CCDC77: variants seen among roughly 807,000 people sequenced by gnomAD.
The protein encoded by CCDC77 is coiled-coil domain containing 77.
In CCDC77, 56 loss-of-function variants were observed where a neutral mutation model predicts 66.8. The observed-to-expected ratio is 0.84, with a 90% CI of 0.68 to 1.05. CCDC77 has a LOEUF of 1.05. CCDC77 is among the 50% of genes least tolerant of loss of function. The probability of loss-of-function intolerance (pLI) is 0.00; values close to 1 mark genes in which losing one functional copy is unlikely to be tolerated. For missense variants in CCDC77, 570 were observed against 576.8 expected, an observed-to-expected ratio of 0.99 and a Z score of 0.12; for synonymous variants, 196 against 195.2, an observed-to-expected ratio of 1.00 and a Z score of -0.03.
At chr12:433,044 G>A in intron 8 of CCDC77, 130 bp from the exon 9 acceptor site, 1 of 1,002,982 alleles carries the variant, frequency 1.0e-6, no homozygotes, top group South Asian at 1.6e-5. Context: ...AAATGAACAA[G>A]AGGATTAGGA....
chr12:414,468 T>C (rs1420276538), intron 4 of CCDC77, among the ~76,000 whole-genome samples: 1 of 152,216 alleles, frequency 6.6e-6, no homozygotes, highest in East Asian at 1.9e-4. Flanking sequence ...TTAACAACTC[T>C]CTTTCCTTAC....
upstream of CCDC77, among the ~76,000 whole-genome samples, chr12:398,369 A>C (rs949307367): frequency 1.3e-5 from 2 of 152,122 alleles, no homozygotes; most frequent in Non-Finnish European, 2.9e-5. Context: ...TTCTTTACTT[A>C]TTCATAAGAA....
At chr12:413,343 T>G (rs1304901968) in intron 4 of CCDC77, among the ~76,000 whole-genome samples, 1 of 150,646 alleles carries the variant, frequency 6.6e-6, no homozygotes, top group Non-Finnish European at 1.5e-5. Context: ...TTCACGCCAT[T>G]CTCCTGCCTC....
intron 2 of CCDC77, among the ~76,000 whole-genome samples, chr12:406,755 T>C (rs2137539080): frequency 6.6e-6 from 1 of 152,302 alleles, no homozygotes; most frequent in East Asian, 1.9e-4. Context: ...AAGACCAGCC[T>C]GGCCAACATG....
At chr12:409,223 AAG>A (rs1302446224) in intron 2 of CCDC77, 143 bp from the exon 3 acceptor site, 59 of 619,656 alleles carry the variant, frequency 9.5e-5, no homozygotes, top group East Asian at 1.2e-4. Context: ...AAAAAAAAAA[AAG>A]AAAAAAAAAA....
intron 4 of CCDC77, among the ~76,000 whole-genome samples, chr12:417,132 C>A (rs201117688): frequency 0.022 from 2,829 of 127,718 alleles, no homozygotes; most frequent in Non-Finnish European, 0.027. Flanking sequence ...GGCTCTGTCT[C>A]AAAAAAAAAA....
At position 416,337 on chromosome 12, in the gene CCDC77, GTGTGGGGGTGTGTGT is replaced by G. The variant is rs1565568928; in HGVS notation, c.271-2156_271-2142del. 8.3e-3 allele frequency among the ~76,000 whole-genome samples: 375 copies of G among 45,060 alleles called. 16 individuals are homozygous for G. The highest frequency in any genetic ancestry group is 0.026 in the African/African-American group (329 of 12,790). The allele number at this position is 45,060 out of a possible 152,430, so 29.6% of individuals were successfully genotyped here. A position where few individuals can be genotyped will look rare whatever the true frequency, so the allele number is the denominator to read the frequency against. The stretch of plus-strand genomic sequence containing the variant: ...TGTGTGTGTGTGTGAGTCTGTGGGT[GTGTGGGGGTGTGTGT>G]GTGTGTGTGTGTGTGTGTGTGTGTG... On this transcript the variant is annotated intron_variant, in intron 4 of 12. Coordinates refer to ENST00000239830, the MANE Select transcript of CCDC77 (RefSeq NM_032358.4).
At chr12:423,470 G>GGTTTTT (rs1945455914) in intron 5 of CCDC77, among the ~76,000 whole-genome samples, 1 of 44,846 alleles carries the variant, frequency 2.2e-5, no homozygotes, top group East Asian at 1.1e-3. Context: ...TGTTTTTTGT[G>GGTTTTT]TTTTTTGTGT....
intron 6 of CCDC77, among the ~76,000 whole-genome samples, chr12:430,160 AT>A (rs1464490625): frequency 6.6e-6 from 1 of 151,232 alleles, no homozygotes; most frequent in Non-Finnish European, 1.5e-5. Flanking sequence ...CGCCTGGCTA[AT>A]TTTGTATTTT....
intron 4 of CCDC77, among the ~76,000 whole-genome samples, chr12:415,788 A>G (rs1023729115): frequency 6.7e-6 from 1 of 148,818 alleles, no homozygotes; most frequent in Non-Finnish European, 1.5e-5. Context: ...ATGTATCACC[A>G]TGCCCAGCTA....
intron 4 of CCDC77, among the ~76,000 whole-genome samples, chr12:415,309 TTA>T (rs1252686973): frequency 2.7e-5 from 3 of 112,564 alleles, no homozygotes; most frequent in Non-Finnish European, 3.7e-5. Flanking sequence ...CAACATAATA[TTA>T]TGTTAATATA....
intron 8 of CCDC77, among the ~76,000 whole-genome samples, chr12:432,442 T>C (rs978088204): frequency 6.6e-6 from 1 of 152,218 alleles, no homozygotes; most frequent in Non-Finnish European, 1.5e-5. Context: ...CTCTGTTGAT[T>C]TAAATGACAG....
intron 9 of CCDC77, among the ~76,000 whole-genome samples, chr12:437,610 C>T (rs1027248266): frequency 2.0e-5 from 3 of 151,936 alleles, no homozygotes; most frequent in South Asian, 4.2e-4. Context: ...GAGGCTGGGG[C>T]GAGAGGAGTG....
At chr12:393,862 A>C (rs1944792153) in intron 1 of CCDC77, among the ~76,000 whole-genome samples, 1 of 152,134 alleles carries the variant, frequency 6.6e-6, no homozygotes, top group Non-Finnish European at 1.5e-5. Context: ...TTTTTTACCC[A>C]GTCATGCTTT....
At chr12:431,165 C>A (rs1945643305) in intron 7 of CCDC77, among the ~76,000 whole-genome samples, 1 of 146,236 alleles carries the variant, frequency 6.8e-6, no homozygotes, top group Non-Finnish European at 1.5e-5. Context: ...GGTCTAATGT[C>A]TTAATGAGCT....
At chr12:413,278 C>T (rs1945150840) in intron 4 of CCDC77, among the ~76,000 whole-genome samples, 2 of 150,734 alleles carry the variant, frequency 1.3e-5, no homozygotes, top group South Asian at 4.2e-4. Flanking sequence ...ACTCTGTCGC[C>T]CAGGCTGGAG....
intron 4 of CCDC77, among the ~76,000 whole-genome samples, chr12:416,359 G>GTATATATATATATATA: frequency 2.3e-5 from 1 of 43,534 alleles, no homozygotes; most frequent in African/African-American, 9.0e-5. Context: ...GTGTGTGTGT[G>GTATATATATATATATA]TGTGTGTGTG....
At chr12:431,084 AAC>A (rs1555146525) in intron 7 of CCDC77, among the ~76,000 whole-genome samples, 17 of 151,500 alleles carry the variant, frequency 1.1e-4, no homozygotes, top group African/African-American at 3.9e-4. Context: ...AAAAAAAAAA[AAC>A]AGAACACACA....
intron 1 of CCDC77, among the ~76,000 whole-genome samples, chr12:393,911 C>G (rs1255289525): frequency 6.6e-6 from 1 of 152,156 alleles, no homozygotes; most frequent in Non-Finnish European, 1.5e-5. Flanking sequence ...AATACTGGTT[C>G]ACTGAGTTAT....
Sources: gnomAD v4.1 joint callset for allele counts (sites outside exome capture counted in the v4.1 genomes callset) on GRCh38, gnomAD v4.1.1 for gene constraint, MANE v1.5 for transcripts, NCBI Gene and HGNC (gene_info 2026-07-23, HGNC 2026-07-21) for gene names.